Variants in CAST observed in about 807,000 individuals in gnomAD.
The protein encoded by CAST is calpastatin, also known as MIR583 host.
Under a neutral mutation model 119.6 loss-of-function variants are expected in CAST, and 76 were observed. The observed-to-expected ratio is 0.64, with a 90% CI of 0.53 to 0.77. The LOEUF (loss-of-function observed/expected upper bound fraction) is 0.77. CAST is among the 30% of genes least tolerant of loss of function. The pLI is 0.00. For synonymous variants in CAST, 319 were observed against 331.6 expected, an observed-to-expected ratio of 0.96 and a Z score of 0.41; for missense variants, 953 against 946.5, an observed-to-expected ratio of 1.01 and a Z score of -0.09.
chr5:96,097,804 A>G, the CAST span, among the ~76,000 whole-genome samples: 1 of 152,156 alleles, frequency 6.6e-6, no homozygotes, highest in African/African-American at 2.4e-5. Flanking sequence ...GCATGCATGC[A>G]TCTTTATAAT....
At chr5:96,758,316 C>A (rs1766807105) in intron 24 of CAST, among the ~76,000 whole-genome samples, 1 of 152,148 alleles carries the variant, frequency 6.6e-6, no homozygotes, top group South Asian at 2.1e-4. Context: ...AATATAGAGT[C>A]CCTCAAAGGG....
intron 1 of CAST, among the ~76,000 whole-genome samples, chr5:96,618,645 G>A (rs901801608): frequency 2.6e-5 from 4 of 152,232 alleles, no homozygotes; most frequent in Admixed American, 6.5e-5. Context: ...CTTAGCACCT[G>A]GGCCAGCAGC....
chr5:96,124,435 G>A, the CAST span, among the ~76,000 whole-genome samples: 1 of 152,102 alleles, frequency 6.6e-6, no homozygotes, highest in Admixed American at 6.5e-5. Context: ...TTCTCTAAAT[G>A]ATCTAACCTA....
the CAST span, among the ~76,000 whole-genome samples, chr5:96,177,296 C>T: frequency 1.3e-5 from 2 of 152,078 alleles, no homozygotes; most frequent in Non-Finnish European, 2.9e-5. Flanking sequence ...AAACAAAATG[C>T]GAGGTGGTGA....
the CAST span, among the ~76,000 whole-genome samples, chr5:96,242,524 A>G: frequency 6.6e-6 from 1 of 152,212 alleles, no homozygotes; most frequent in Non-Finnish European, 1.5e-5. Context: ...TCCAGCTATC[A>G]GATCTTGTCC....
At chr5:96,131,600 A>G in the CAST span, among the ~76,000 whole-genome samples, 6 of 152,132 alleles carry the variant, frequency 3.9e-5, no homozygotes, top group Non-Finnish European at 7.4e-5. Context: ...AAATGAGAAG[A>G]TATTCTCCTT....
At chr5:96,632,403 T>C (rs1350870362) in intron 1 of CAST, among the ~76,000 whole-genome samples, 1 of 150,648 alleles carries the variant, frequency 6.6e-6, no homozygotes, top group Non-Finnish European at 1.5e-5. Flanking sequence ...AATTGTGCTT[T>C]GTCAATTTTA....
chr5:96,656,506 G>C (rs1284681202), intron 1 of CAST, among the ~76,000 whole-genome samples: 1 of 152,166 alleles, frequency 6.6e-6, no homozygotes, highest in African/African-American at 2.4e-5. Context: ...CTTTCTTCCT[G>C]TGCGGGCTGA....
At chr5:96,458,527 C>A in the CAST span, among the ~76,000 whole-genome samples, 2 of 152,078 alleles carry the variant, frequency 1.3e-5, no homozygotes, top group African/African-American at 4.8e-5. Flanking sequence ...TCTGTCATCA[C>A]CCACCACAAT....
intron 1 of CAST, among the ~76,000 whole-genome samples, chr5:96,624,939 A>G (rs560242431): frequency 1.1e-3 from 169 of 152,340 alleles, no homozygotes; most frequent in Middle Eastern, 3.4e-3. Flanking sequence ...CGTGGATTCA[A>G]GTAAGTGTCC....
At chr5:96,553,425 C>T (rs956283847) in intron 1 of CAST, among the ~76,000 whole-genome samples, 2 of 152,110 alleles carry the variant, frequency 1.3e-5, no homozygotes, top group Admixed American at 6.5e-5. Flanking sequence ...ATAATAAGAG[C>T]TATTTATGAC....
the CAST span, among the ~76,000 whole-genome samples, chr5:96,166,838 T>C: frequency 1.3e-5 from 2 of 152,166 alleles, no homozygotes; most frequent in Admixed American, 6.5e-5. Flanking sequence ...TGTCTTCTTA[T>C]ATTAATAAGA....
chr5:96,349,172 TAA>T, the CAST span, among the ~76,000 whole-genome samples: 2 of 140,654 alleles, frequency 1.4e-5, no homozygotes, highest in African/African-American at 5.3e-5. Flanking sequence ...GTTATCAGTA[TAA>T]ACTGTTCCCT....
chr5:96,399,916 G>A, the CAST span: 1 of 1,459,636 alleles, frequency 6.9e-7, no homozygotes, highest in African/African-American at 1.4e-5. Context: ...ATTATGCCAT[G>A]GGCACACATG....
chr5:95,983,438 C>A, the CAST span, among the ~76,000 whole-genome samples: 1 of 152,082 alleles, frequency 6.6e-6, no homozygotes, highest in Non-Finnish European at 1.5e-5. Flanking sequence ...CACAAAAGAT[C>A]CACACACACA....
chr5:96,671,543 A>C lies in CAST; in HGVS notation c.76-3996A>C, dbSNP rs139690721. ...ATCACCATGGAGAACATCGCTGTTC[A>C]GATCTTCAGTTGCTTTATTCATGAA... On this transcript the variant is annotated intron_variant, in intron 1 of 31. Coordinates refer to ENST00000675179, the MANE Select transcript of CAST (RefSeq NM_001750.7). Among the ~76,000 whole-genome samples the C allele has an allele frequency of 1.4e-3, 218 of 152,282 alleles. 3 individuals carry two copies. The highest frequency in any genetic ancestry group is 1.9e-3 in the South Asian group (9 of 4,828).
the CAST span, among the ~76,000 whole-genome samples, chr5:96,274,057 A>T: frequency 6.6e-6 from 1 of 151,828 alleles, no homozygotes; most frequent in African/African-American, 2.4e-5. Flanking sequence ...GAAAAGGGAG[A>T]TGGAAGGGAT....
chr5:96,428,603 A>G, the CAST span, among the ~76,000 whole-genome samples: 1 of 152,206 alleles, frequency 6.6e-6, no homozygotes, highest in Non-Finnish European at 1.5e-5. Flanking sequence ...ACAAACTAGG[A>G]TGAAAAGAGA....
At chr5:96,281,717 A>T in the CAST span, among the ~76,000 whole-genome samples, 4 of 152,208 alleles carry the variant, frequency 2.6e-5, no homozygotes. Flanking sequence ...ACTGTTTCTT[A>T]AAAAAGGTAT....
Sources: allele counts gnomAD v4.1 joint callset (sites outside exome capture counted in the v4.1 genomes callset), GRCh38; gene constraint gnomAD v4.1.1; transcripts MANE v1.5; gene names NCBI Gene and HGNC (gene_info 2026-07-23, HGNC 2026-07-21).